The following NKAIN2 variants were observed in gnomAD, a reference collection of about 807,000 sequenced individuals.
NKAIN2 encodes sodium/potassium transporting ATPase interacting 2, also known as sodium/potassium-transporting ATPase subunit beta-1-interacting protein 2.
Under a neutral mutation model 32.6 loss-of-function variants are expected in NKAIN2, and 14 were observed. The ratio of observed to expected loss-of-function variants is 0.43; its 90% CI spans 0.28 to 0.67. NKAIN2 has a LOEUF of 0.67. Among genes scored for constraint, NKAIN2 ranks in the 30% least tolerant of loss-of-function variants. The pLI, the probability that NKAIN2 is intolerant of heterozygous loss-of-function variation, is 0.17. For missense variants in NKAIN2, 198 were observed against 258.3 expected (o/e 0.77, Z 1.60); for synonymous variants, 80 against 87.2 (o/e 0.92, Z 0.46).
chr6:124,407,201 T>C (rs1773899900), intron 3 of NKAIN2, among the ~76,000 whole-genome samples: 2 of 152,178 alleles, frequency 1.3e-5, no homozygotes, highest in Non-Finnish European at 1.5e-5. Flanking sequence ...GCTAGTTTAT[T>C]TTTATTATTA....
At chr6:124,119,604 C>T (rs75303379) in intron 1 of NKAIN2, among the ~76,000 whole-genome samples, 142 of 152,216 alleles carry the variant, frequency 9.3e-4, no homozygotes, top group African/African-American at 3.1e-3. Flanking sequence ...TTTGCTTTGT[C>T]CTGTGAAACA....
chr6:124,553,533 C>T (rs139154749), intron 3 of NKAIN2, among the ~76,000 whole-genome samples: 295 of 152,202 alleles, frequency 1.9e-3, no homozygotes, highest in African/African-American at 6.9e-3. Flanking sequence ...TCTCCAACTC[C>T]CGACCTCAGA....
intron 1 of NKAIN2, among the ~76,000 whole-genome samples, chr6:124,134,353 A>G (rs1281380684): frequency 6.6e-6 from 1 of 152,094 alleles, no homozygotes; most frequent in African/African-American, 2.4e-5. Context: ...CAAAGCCTCA[A>G]AGAAATTTGG....
chr6:124,410,161 T>G (rs1466312284), intron 3 of NKAIN2, among the ~76,000 whole-genome samples: 3 of 152,144 alleles, frequency 2.0e-5, no homozygotes, highest in African/African-American at 7.2e-5. Flanking sequence ...GATTCATTGA[T>G]TTTTTGAAGG....
intron 1 of NKAIN2, among the ~76,000 whole-genome samples, chr6:124,197,880 G>C (rs1294592090): frequency 7.9e-6 from 1 of 127,318 alleles, no homozygotes; most frequent in South Asian, 2.7e-4. Flanking sequence ...GCATTTATGA[G>C]TGCTTCCTTC....
In NKAIN2 at chr6:124,589,730, A is replaced by G. The variant is rs567222473; in HGVS notation, c.274-68456A>G. ...GAATGTGCAGGTCTGTTACATAGGTATACATGTGCCATGGTGGTTTGCTGC... is the reference window on the plus strand; with the variant it reads ...GAATGTGCAGGTCTGTTACATAGGTGTACATGTGCCATGGTGGTTTGCTGC... On this transcript the variant is annotated intron_variant, in intron 3 of 6. Coordinates refer to ENST00000368417, the MANE Select transcript of NKAIN2 (RefSeq NM_001040214.3). Among the ~76,000 whole-genome samples the G allele has an allele frequency of 2.0e-5, 3 of 152,284 alleles. No individual in the cohort carries two copies. The East Asian group carries it at 5.8e-4, about 29-fold the overall frequency.
intron 3 of NKAIN2, among the ~76,000 whole-genome samples, chr6:124,554,954 G>C (rs1017110220): frequency 6.6e-6 from 1 of 152,034 alleles, no homozygotes; most frequent in Non-Finnish European, 1.5e-5. Flanking sequence ...ATATAACCCA[G>C]AGCCTCCTCT....
At chr6:124,127,927 A>G (rs1298528089) in intron 1 of NKAIN2, among the ~76,000 whole-genome samples, 1 of 152,086 alleles carries the variant, frequency 6.6e-6, no homozygotes, top group East Asian at 1.9e-4. Flanking sequence ...TCTTAGTTCA[A>G]GTGATTCTCC....
At chr6:124,650,434 G>A (rs1163635730) in intron 3 of NKAIN2, among the ~76,000 whole-genome samples, 1 of 152,124 alleles carries the variant, frequency 6.6e-6, no homozygotes, top group Non-Finnish European at 1.5e-5. Flanking sequence ...GTATCAATTT[G>A]TCTTCAACTA....
chr6:124,382,953 C>A (rs988837295), intron 3 of NKAIN2, among the ~76,000 whole-genome samples: 1 of 152,156 alleles, frequency 6.6e-6, no homozygotes, highest in African/African-American at 2.4e-5. Context: ...TTATATGTTT[C>A]ACAAGTTACT....
intron 3 of NKAIN2, among the ~76,000 whole-genome samples, chr6:124,552,507 T>C (rs1780327268): frequency 6.6e-6 from 1 of 152,210 alleles, no homozygotes; most frequent in South Asian, 2.1e-4. Flanking sequence ...TCATGGTGTT[T>C]TAGATGTAGA....
chr6:124,170,409 A>G (rs1788785326), intron 1 of NKAIN2, among the ~76,000 whole-genome samples: 2 of 152,274 alleles, frequency 1.3e-5, no homozygotes, highest in East Asian at 3.9e-4. Context: ...TTTTCTATTT[A>G]CCCTAACCTG....
intron 3 of NKAIN2, among the ~76,000 whole-genome samples, chr6:124,364,102 TATA>T (rs1308705097): frequency 6.6e-6 from 1 of 151,824 alleles, no homozygotes; most frequent in Non-Finnish European, 1.5e-5. Context: ...GACTTAAAAA[TATA>T]ATATCTAGAA....
chr6:124,382,338 C>T (rs1479105138), intron 3 of NKAIN2, among the ~76,000 whole-genome samples: 3 of 152,200 alleles, frequency 2.0e-5, no homozygotes, highest in Non-Finnish European at 1.5e-5. Context: ...CAACTTTTCT[C>T]TTTATATCCA....
Position 123,804,350 on chromosome 6 carries a change from A to G in NKAIN2, c.54+96A>G, listed in dbSNP as rs1014278298. On this transcript the variant is annotated intron_variant, in intron 1 of 6. Coordinates refer to ENST00000368417, the MANE Select transcript of NKAIN2 (RefSeq NM_001040214.3). ...GGTCTGCCATTGACTAGAATGGACGAAAAAGATAAAAGAGAAGGTGACAGA... is the reference window on the plus strand; with the variant it reads ...GGTCTGCCATTGACTAGAATGGACGGAAAAGATAAAAGAGAAGGTGACAGA... The G allele has an allele frequency of 1.3e-5, 14 of 1,041,306 alleles. No individual in the cohort carries two copies. The Admixed American group carries it at 2.1e-4, about 15-fold the overall frequency. 64.5% of individuals were successfully genotyped at this position (1,041,306 alleles called of 1,614,324 possible). A position where few individuals can be genotyped will look rare whatever the true frequency, so the allele number is the denominator to read the frequency against.
intron 1 of NKAIN2, among the ~76,000 whole-genome samples, chr6:123,914,677 C>T (rs1029506621): frequency 6.6e-6 from 1 of 152,124 alleles, no homozygotes; most frequent in African/African-American, 2.4e-5. Context: ...AGGATTCATA[C>T]CCCGGCTGTC....
chr6:124,303,239 A>G (rs929450379), intron 2 of NKAIN2, among the ~76,000 whole-genome samples: 2 of 152,254 alleles, frequency 1.3e-5, no homozygotes, highest in Non-Finnish European at 2.9e-5. Flanking sequence ...AAAATCTTCC[A>G]TGAAATGACC....
At chr6:124,476,336 T>G (rs1562208893) in intron 3 of NKAIN2, among the ~76,000 whole-genome samples, 1 of 149,958 alleles carries the variant, frequency 6.7e-6, no homozygotes, top group Non-Finnish European at 1.5e-5. Context: ...CATTACCTCT[T>G]AAGGAGGTTT....
intron 4 of NKAIN2, 23 bp from the exon 5 acceptor site, chr6:124,791,316 A>G: frequency 1.3e-6 from 2 of 1,597,752 alleles, no homozygotes; most frequent in East Asian, 4.5e-5. Context: ...TCTGATGTCT[A>G]AAGCATCTCT....
Sources: allele counts gnomAD v4.1 joint callset (sites outside exome capture counted in the v4.1 genomes callset), GRCh38; gene constraint gnomAD v4.1.1; transcripts MANE v1.5; gene names NCBI Gene and HGNC (gene_info 2026-07-23, HGNC 2026-07-21).